Variants in SGCZ observed in about 807,000 individuals in gnomAD.
The protein encoded by SGCZ is sarcoglycan zeta, also known as zeta-sarcoglycan.
Under a neutral mutation model 41.3 loss-of-function variants are expected in SGCZ, and 40 were observed. That is an observed-to-expected ratio of 0.97 (90% CI 0.75 to 1.26). SGCZ has a LOEUF of 1.26. SGCZ is among the 50% of genes most tolerant of loss of function. The pLI is 0.00. For synonymous variants in SGCZ, 206 were observed against 137.5 expected (o/e 1.50, Z -3.49); for missense variants, 552 against 369.8 (o/e 1.49, Z -4.04).
At chr8:14,251,808 C>T (rs948181787) in intron 3 of SGCZ, among the ~76,000 whole-genome samples, 2 of 152,050 alleles carry the variant, frequency 1.3e-5, no homozygotes, top group African/African-American at 4.8e-5. Context: ...CTTTGCCTCC[C>T]GGGTTCAAGT....
At chr8:14,906,773 G>C (rs902610156) in intron 1 of SGCZ, among the ~76,000 whole-genome samples, 6 of 152,164 alleles carry the variant, frequency 3.9e-5, no homozygotes, top group Non-Finnish European at 8.8e-5. Context: ...GATGCTTACA[G>C]TCCTGATTAG....
chr8:14,190,759 C>T (rs947836040), intron 4 of SGCZ, among the ~76,000 whole-genome samples: 6 of 151,912 alleles, frequency 3.9e-5, no homozygotes, highest in Admixed American at 2.6e-4. Flanking sequence ...CCCTCCACCA[C>T]GCCCGGCTAA....
At chr8:14,174,816 C>T (rs1804494232) in intron 4 of SGCZ, among the ~76,000 whole-genome samples, 1 of 152,016 alleles carries the variant, frequency 6.6e-6, no homozygotes, top group Non-Finnish European at 1.5e-5. Flanking sequence ...AAGTCTAAAA[C>T]AAAGGTGTCA....
intron 2 of SGCZ, among the ~76,000 whole-genome samples, chr8:14,372,869 C>T (rs1301311071): frequency 3.9e-5 from 6 of 151,978 alleles, no homozygotes; most frequent in South Asian, 4.2e-4. Context: ...TAGCAGTTCA[C>T]GAGGGACTTA....
At chr8:14,304,621 C>A (rs995439580) in intron 3 of SGCZ, among the ~76,000 whole-genome samples, 1 of 152,096 alleles carries the variant, frequency 6.6e-6, no homozygotes, top group African/African-American at 2.4e-5. Context: ...ATTTTTATAA[C>A]AGAAAAGTAA....
chr8:15,003,609 G>T (rs1028166697), intron 1 of SGCZ, among the ~76,000 whole-genome samples: 1 of 152,144 alleles, frequency 6.6e-6, no homozygotes, highest in Admixed American at 6.5e-5. Context: ...TACACAAATA[G>T]CACGTCAAAT....
At chr8:15,085,103 G>A (rs552578257) in intron 1 of SGCZ, among the ~76,000 whole-genome samples, 4 of 152,240 alleles carry the variant, frequency 2.6e-5, no homozygotes, top group African/African-American at 7.2e-5. Context: ...TGGCTTTGAT[G>A]AAGAAAATGA....
chr8:14,400,974 T>C (rs1799055502), intron 2 of SGCZ, among the ~76,000 whole-genome samples: 1 of 152,140 alleles, frequency 6.6e-6, no homozygotes. Context: ...CAAACCATAA[T>C]ATGTGAAGTC....
chr8:14,347,890 T>A (rs1802946428), intron 2 of SGCZ, among the ~76,000 whole-genome samples: 1 of 152,110 alleles, frequency 6.6e-6, no homozygotes, highest in Non-Finnish European at 1.5e-5. Context: ...TGCCTCAGCT[T>A]TAAAATGGAT....
intron 1 of SGCZ, among the ~76,000 whole-genome samples, chr8:14,760,123 G>A (rs77621576): frequency 0.034 from 5,197 of 152,144 alleles, 304 homozygotes; most frequent in African/African-American, 0.12. Context: ...ACAGTTATGC[G>A]TTTCAACATT....
At chr8:14,720,560 G>A (rs988732448) in intron 1 of SGCZ, among the ~76,000 whole-genome samples, 1 of 152,020 alleles carries the variant, frequency 6.6e-6, no homozygotes, top group Non-Finnish European at 1.5e-5. Context: ...GTGGTCATCT[G>A]AGTTATTCTT....
chr8:14,374,470 A>C (rs1191117829), intron 2 of SGCZ, among the ~76,000 whole-genome samples: 2 of 151,934 alleles, frequency 1.3e-5, no homozygotes, highest in African/African-American at 2.4e-5. Flanking sequence ...TAACTAATTG[A>C]ATTTTTTTTT....
intron 1 of SGCZ, among the ~76,000 whole-genome samples, chr8:14,591,071 T>C (rs992438669): frequency 1.3e-5 from 2 of 151,470 alleles, no homozygotes; most frequent in Non-Finnish European, 3.0e-5. Flanking sequence ...TGTGAAATAA[T>C]AAATGAGAAA....
At chr8:14,777,945 G>A (rs565241875) in intron 1 of SGCZ, among the ~76,000 whole-genome samples, 4 of 150,920 alleles carry the variant, frequency 2.7e-5, no homozygotes, top group African/African-American at 4.9e-5. Context: ...GAAAAAAATT[G>A]GAGACAGGGT....
intron 1 of SGCZ, among the ~76,000 whole-genome samples, chr8:15,100,726 T>C (rs1423843710): frequency 6.6e-6 from 1 of 152,216 alleles, no homozygotes; most frequent in East Asian, 1.9e-4. Flanking sequence ...CTCACTACTA[T>C]AATCCTGGCA....
intron 2 of SGCZ, among the ~76,000 whole-genome samples, chr8:14,529,744 T>C (rs1803067547): frequency 1.3e-5 from 2 of 152,146 alleles, no homozygotes; most frequent in South Asian, 4.1e-4. Context: ...ACTGTATGTC[T>C]ATCTTCCTCC....
intron 1 of SGCZ, among the ~76,000 whole-genome samples, chr8:14,724,079 T>C (rs1809975569): frequency 6.6e-6 from 1 of 152,150 alleles, no homozygotes; most frequent in Non-Finnish European, 1.5e-5. Context: ...AATAACTATA[T>C]ATCAAGTAAA....
chr8:15,232,443 G>T (rs1290911500), intron 1 of SGCZ, among the ~76,000 whole-genome samples: 1 of 152,016 alleles, frequency 6.6e-6, no homozygotes, highest in Non-Finnish European at 1.5e-5. Flanking sequence ...GACCACTGAA[G>T]AGTTCTAAAA....
intron 4 of SGCZ, among the ~76,000 whole-genome samples, chr8:14,219,275 C>G (rs938875033): frequency 1.3e-5 from 2 of 152,162 alleles, no homozygotes; most frequent in Admixed American, 1.3e-4. Flanking sequence ...GGTCTGCTGC[C>G]TGTCGGATCT....
Sources: gnomAD v4.1 joint callset for allele counts (sites outside exome capture counted in the v4.1 genomes callset) on GRCh38, gnomAD v4.1.1 for gene constraint, MANE v1.5 for transcripts, NCBI Gene and HGNC (gene_info 2026-07-23, HGNC 2026-07-21) for gene names.